CCND2: variants seen among roughly 807,000 people sequenced by gnomAD.
CCND2 encodes the protein G1/S-specific cyclin-D2.
Under a neutral mutation model 30.2 loss-of-function variants are expected in CCND2, and 6 were observed. The observed-to-expected ratio is 0.20, with a 90% CI of 0.11 to 0.39. The LOEUF is 0.39. Ranked by LOEUF, CCND2 falls within the 10% of genes least tolerant of loss-of-function variation. The pLI is 1.00. For synonymous variants in CCND2, 150 were observed against 153.1 expected, an observed-to-expected ratio of 0.98 and a Z score of 0.15; for missense variants, 235 against 373.4, an observed-to-expected ratio of 0.63 and a Z score of 3.06.
At position 4,287,463 on chromosome 12, in the gene CCND2, G is replaced by C. The variant is rs911314823; in HGVS notation, c.572-1379G>C. On this transcript the variant is annotated intron_variant, in intron 3 of 4. Transcript: ENST00000261254. This position sits in a 1 kb window ranked among gnomAD's most constrained non-coding sequence, Gnocchi z 4.0. ...TGACCCACGGTTCCCTGTATGCTGTGTCTCCTGCCCCCACGTGCCCCTTCC... is the reference window on the plus strand; with the variant it reads ...TGACCCACGGTTCCCTGTATGCTGTCTCTCCTGCCCCCACGTGCCCCTTCC... Among the ~76,000 whole-genome samples the C allele has an allele frequency of 6.6e-6, 1 of 152,150 alleles. No homozygotes were observed. Among genetic ancestry groups the C allele is most frequent in the Non-Finnish European group, 1.5e-5 (1 of 68,026 alleles).
At chr12:4,281,944 G>T (rs1279727188) in intron 3 of CCND2, among the ~76,000 whole-genome samples, 1 of 143,462 alleles carries the variant, frequency 7.0e-6, no homozygotes, top group Non-Finnish European at 1.5e-5. Flanking sequence ...CCTGGGCAGT[G>T]CAGGCATGGG....
At position 4,274,252 on chromosome 12, in the gene CCND2, C is replaced by A; in HGVS notation, c.195+17C>A. On this transcript the variant is annotated intron_variant, in intron 1 of 4. Transcript: ENST00000261254. The surrounding 1 kb of genome is among the most constrained non-coding windows in gnomAD (Gnocchi z 7.7). ...ATGCTGGAGGTAGGTCGGGGGGTGG[C>A]GCTCGCCAGGAGCCAGGACCCCTCC... 6.2e-7 allele frequency: 1 copy of A among 1,612,178 alleles called. No individual in the cohort carries two copies. The highest frequency in any genetic ancestry group is 1.7e-4 in the Middle Eastern group (1 of 5,872).
chr12:4,276,066 G>T lies in CCND2; in HGVS notation c.257G>T (p.Arg86Leu). 6.2e-7 allele frequency: 1 copy of T among 1,612,300 alleles called. No individual in the cohort carries two copies. Among genetic ancestry groups the T allele is most frequent in the Non-Finnish European group, 8.5e-7 (1 of 1,179,762 alleles). Reference sequence around the variant, plus strand: ...CCTCTGGCCATGAATTACCTGGACCGTTTCTTGGCTGGGGTCCCGACTCCG... The same window carrying T: ...CCTCTGGCCATGAATTACCTGGACCTTTTCTTGGCTGGGGTCCCGACTCCG... ...VFPLAMNYLD[R>L]FLAGVPTPKS... The change falls in exon 2 of 5, where the codon CGT becomes CTT. Residue 86 changes from arginine to leucine, a missense_variant. Arg to Leu is a moderately radical substitution (Grantham distance 102). Coordinates refer to ENST00000261254, the MANE Select transcript of CCND2 (RefSeq NM_001759.4). The surrounding 1 kb of genome is among the most constrained non-coding windows in gnomAD (Gnocchi z 4.8).
intron 3 of CCND2, among the ~76,000 whole-genome samples, chr12:4,279,962 C>T (rs745757493): frequency 3.3e-5 from 5 of 151,380 alleles, no homozygotes; most frequent in Admixed American, 1.3e-4. Flanking sequence ...TTCTACGGAA[C>T]GGATGATTAT....
At position 4,287,751 on chromosome 12, in the gene CCND2, T is replaced by A. The variant is rs527515103; in HGVS notation, c.572-1091T>A. On this transcript the variant is annotated intron_variant, in intron 3 of 4. Transcript: ENST00000261254. This position sits in a 1 kb window ranked among gnomAD's most constrained non-coding sequence, Gnocchi z 4.0. ...GTAATGTGTAGCGTACTGCATGTGG[T>A]GGTCATTGGTAGCTGTCAGCAGCTG... Among the ~76,000 whole-genome samples the A allele has an allele frequency of 9.2e-5, 14 of 152,296 alleles. No homozygotes were observed. The highest frequency in any genetic ancestry group is 2.1e-4 in the Non-Finnish European group (14 of 68,024).
intron 3 of CCND2, among the ~76,000 whole-genome samples, chr12:4,283,626 A>T (rs1863982560): frequency 6.6e-6 from 1 of 152,254 alleles, no homozygotes; most frequent in African/African-American, 2.4e-5. Flanking sequence ...CACCGCCGTC[A>T]TAAGCAAGCA....
intron 2 of CCND2, among the ~76,000 whole-genome samples, chr12:4,278,003 G>A (rs542009621): frequency 6.6e-6 from 1 of 152,374 alleles, no homozygotes; most frequent in South Asian, 2.1e-4. Flanking sequence ...AGGGTTGTGT[G>A]GTCCCCACAC....
chr12:4,292,292 G>A (rs982302450), intron 4 of CCND2, among the ~76,000 whole-genome samples: 6 of 152,180 alleles, frequency 3.9e-5, no homozygotes, highest in African/African-American at 1.4e-4. Context: ...ACCACATTTT[G>A]CCCCCTGGCC....
Position 4,287,271 on chromosome 12 carries a change from G to T in CCND2, c.572-1571G>T, listed in dbSNP as rs931732990. On this transcript the variant is annotated intron_variant, in intron 3 of 4. Transcript: ENST00000261254. This position sits in a 1 kb window ranked among gnomAD's most constrained non-coding sequence, Gnocchi z 4.0. The stretch of plus-strand genomic sequence containing the variant: ...GGCTGTGCTTGGCTCAGGGATCCAC[G>T]GTGTCTAACAATGCTGCTAACTTGA... Among the ~76,000 whole-genome samples, 26 of 152,176 alleles carry T rather than the reference G, an allele frequency of 1.7e-4. No individual in the cohort carries two copies. The highest frequency in any genetic ancestry group is 6.3e-4 in the African/African-American group (26 of 41,436).
In CCND2 at chr12:4,300,115, T is replaced by C; in HGVS notation, c.*106T>C. 8.7e-7 allele frequency: 1 copy of C among 1,142,988 alleles called. No individual in the cohort carries two copies. Among genetic ancestry groups the C allele is most frequent in the Non-Finnish European group, 1.2e-6 (1 of 833,132 alleles). 70.8% of individuals were successfully genotyped at this position (1,142,988 alleles called of 1,614,324 possible). ...TTTAGGGTGAAACTTAAAAAAAAAA[T>C]TCTGCCCCCACCTAGATCATATTTA... On this transcript the variant is annotated 3_prime_UTR_variant, in exon 5 of 5. Transcript: ENST00000261254.
At chr12:4,290,832 C>T (rs929352501) in intron 4 of CCND2, among the ~76,000 whole-genome samples, 8 of 152,332 alleles carry the variant, frequency 5.3e-5, no homozygotes, top group South Asian at 2.1e-4. Flanking sequence ...TCTGATACTA[C>T]GTAGCCAGTC....
rs147082841 is a variant in CCND2, at chr12:4,301,912, G to GGTT, written c.*1907_*1909dup. The GGTT allele has an allele frequency of 6.3e-3, 1,450 of 229,506 alleles. 36 individuals carry two copies. In the East Asian group the frequency reaches 0.082, roughly 13 times the overall value. 14.2% of individuals were successfully genotyped at this position (229,506 alleles called of 1,614,324 possible). ...TGTTTTCTTCTGGTAGCATATTCAT[G>GGTT]GTTGTTTTTTTTTTTCTTTTTTGGT... On this transcript the variant is annotated 3_prime_UTR_variant, in exon 5 of 5. Coordinates refer to ENST00000261254, the MANE Select transcript of CCND2 (RefSeq NM_001759.4).
rs543998984 is a variant in CCND2, at chr12:4,274,313, G to A, written c.195+78G>A. The A allele has an allele frequency of 2.0e-6, 3 of 1,492,794 alleles. No homozygotes were observed. The highest frequency in any genetic ancestry group is 2.8e-5 in the African/African-American group (2 of 72,394). 92.5% of individuals were successfully genotyped at this position (1,492,794 alleles called of 1,614,324 possible). On this transcript the variant is annotated intron_variant, in intron 1 of 4. Coordinates refer to ENST00000261254, the MANE Select transcript of CCND2 (RefSeq NM_001759.4). The surrounding 1 kb of genome is among the most constrained non-coding windows in gnomAD (Gnocchi z 7.7). ...GTCCCCGGCCGGAGCCCTAAACCTG[G>A]GAGAGGGCAATCCCCGCGCCGGCCT...
chr12:4,274,019 G>C lies in CCND2; in HGVS notation c.-22G>C, dbSNP rs755438009. On this transcript the variant is annotated 5_prime_UTR_variant, in exon 1 of 5. Transcript: ENST00000261254. The surrounding 1 kb of genome is among the most constrained non-coding windows in gnomAD (Gnocchi z 7.7). Reference sequence around the variant, plus strand: ...TTTCCAGGCCGGGGAAAGCAGGAGGGAGAGGGGCCGCCGGGCTGGCCATGG... The same window carrying C: ...TTTCCAGGCCGGGGAAAGCAGGAGGCAGAGGGGCCGCCGGGCTGGCCATGG... 6.2e-7 allele frequency: 1 copy of C among 1,604,574 alleles called. No homozygotes were observed. Among genetic ancestry groups the C allele is most frequent in the Non-Finnish European group, 8.5e-7 (1 of 1,175,192 alleles).
intron 4 of CCND2, among the ~76,000 whole-genome samples, chr12:4,291,207 CTGTGTG>C (rs1320194012): frequency 5.0e-5 from 7 of 138,716 alleles, no homozygotes; most frequent in East Asian, 2.2e-4. Flanking sequence ...CTGGGCTAGG[CTGTGTG>C]TGTGTGTGTG....
chr12:4,286,915 G>A (rs1207486184), intron 3 of CCND2, among the ~76,000 whole-genome samples: 6 of 152,214 alleles, frequency 3.9e-5, no homozygotes, highest in Middle Eastern at 3.2e-3. Flanking sequence ...GCTCCCACCC[G>A]GGCCTTTGTG....
At chr12:4,297,848 G>A (rs1362043995) in intron 4 of CCND2, 11 of 453,300 alleles carry the variant, frequency 2.4e-5, no homozygotes, top group Non-Finnish European at 4.4e-5. Context: ...AGAGGCCAGC[G>A]CCCGACTCCA....
chr12:4,278,023 G>T (rs948512059), intron 2 of CCND2, among the ~76,000 whole-genome samples: 9 of 152,234 alleles, frequency 5.9e-5, no homozygotes, highest in African/African-American at 2.2e-4. Flanking sequence ...CTTGCACTGA[G>T]GGATGCTGTG....
chr12:4,276,001 A>G lies in CCND2; in HGVS notation c.196-4A>G, dbSNP rs1246341995. The G allele has an allele frequency of 6.5e-7, 1 of 1,537,542 alleles. No homozygotes were observed. Among genetic ancestry groups the G allele is most frequent in the African/African-American group, 1.5e-5 (1 of 65,964 alleles). ...CCCCCAACCCTTTCCCACTCCCATT[A>G]TAGGTCTGTGAGGAACAGAAGTGCG... is the stretch of plus-strand genomic sequence containing the variant. On this transcript the variant is annotated splice_polypyrimidine_tract_variant and splice_region_variant and intron_variant, in intron 1 of 4. Transcript: ENST00000261254. This position sits in a 1 kb window ranked among gnomAD's most constrained non-coding sequence, Gnocchi z 4.8.
Sources: gnomAD v4.1 joint callset for allele counts (sites outside exome capture counted in the v4.1 genomes callset) on GRCh38, gnomAD v4.1.1 for gene constraint, Gnocchi (gnomAD v3.1) non-coding constraint, MANE v1.5 for transcripts, NCBI Gene and HGNC (gene_info 2026-07-23, HGNC 2026-07-21) for gene names.